SLC4A10: variants seen among roughly 807,000 people sequenced by gnomAD.
The protein encoded by SLC4A10 is sodium-driven chloride bicarbonate exchanger.
In SLC4A10, 42 loss-of-function variants were observed where a neutral mutation model predicts 137.7. The ratio of observed to expected loss-of-function variants is 0.30; its 90% CI spans 0.24 to 0.39. SLC4A10 has a LOEUF of 0.39. Ranked by LOEUF, SLC4A10 falls within the 10% of genes least tolerant of loss-of-function variation. The pLI, the probability that SLC4A10 is intolerant of heterozygous loss-of-function variation, is 1.00. For missense variants in SLC4A10, 925 were observed against 1,355.0 expected (o/e 0.68, Z 4.98); for synonymous variants, 474 against 464.1 (o/e 1.02, Z -0.27).
At chr2:161,726,703 G>T (rs968708608) in intron 1 of SLC4A10, among the ~76,000 whole-genome samples, 4 of 152,180 alleles carry the variant, frequency 2.6e-5, no homozygotes, top group African/African-American at 9.7e-5. Context: ...GCAGTCAGGA[G>T]TTGGAGACCA....
chr2:161,667,774 C>A (rs2039232571), intron 1 of SLC4A10, among the ~76,000 whole-genome samples: 1 of 151,606 alleles, frequency 6.6e-6, no homozygotes, highest in Non-Finnish European at 1.5e-5. Context: ...TTTTCAGGTC[C>A]TATGACATAC....
chr2:161,695,158 T>C (rs1378175091), intron 1 of SLC4A10, among the ~76,000 whole-genome samples: 4 of 152,080 alleles, frequency 2.6e-5, no homozygotes, highest in Non-Finnish European at 5.9e-5. Flanking sequence ...TAAGAATCTC[T>C]AGAGCCAATT....
At chr2:161,838,449 A>G (rs2058958275) in intron 3 of SLC4A10, among the ~76,000 whole-genome samples, 1 of 152,186 alleles carries the variant, frequency 6.6e-6, no homozygotes, top group South Asian at 2.1e-4. Flanking sequence ...ACCAAAGCAT[A>G]ATTTATAACA....
intron 26 of SLC4A10, among the ~76,000 whole-genome samples, chr2:161,981,678 GTCATACAGAT>G (rs1178665009): frequency 6.6e-6 from 1 of 152,232 alleles, no homozygotes; most frequent in Non-Finnish European, 1.5e-5. Context: ...AAGAAAGTGA[GTCATACAGAT>G]AGAGGAGTTA....
rs1300996252 is a variant in SLC4A10 at position 161,947,458 on chromosome 2, G to A, written c.2104-108G>A. Reference sequence around the variant, plus strand: ...CTAAATCATTGTGAGAGCCATAAAGGAAAAGCCTCAGCATCTGAACTACAA... The same window carrying A: ...CTAAATCATTGTGAGAGCCATAAAGAAAAAGCCTCAGCATCTGAACTACAA... On this transcript the variant is annotated intron_variant, in intron 16 of 26. Coordinates refer to ENST00000446997, the MANE Select transcript of SLC4A10 (RefSeq NM_001178015.2). The A allele has an allele frequency of 1.1e-4, 128 of 1,145,802 alleles. No homozygotes were observed. The East Asian group carries it at 3.5e-3, about 31-fold the overall frequency. 71.0% of individuals were successfully genotyped at this position (1,145,802 alleles called of 1,614,324 possible). A position where few individuals can be genotyped will look rare whatever the true frequency, so the allele number is the denominator to read the frequency against.
At chr2:161,861,712 C>T (rs571634030) in intron 5 of SLC4A10, among the ~76,000 whole-genome samples, 1 of 152,278 alleles carries the variant, frequency 6.6e-6, no homozygotes, top group South Asian at 2.1e-4. Flanking sequence ...ATATTCCAAT[C>T]AGTGCATCAG....
intron 2 of SLC4A10, among the ~76,000 whole-genome samples, chr2:161,779,830 A>G (rs574500162): frequency 7.0e-4 from 106 of 152,158 alleles, no homozygotes; most frequent in African/African-American, 2.3e-3. Context: ...GGATCAAAAT[A>G]ATATTTATGA....
intron 3 of SLC4A10, among the ~76,000 whole-genome samples, chr2:161,826,290 A>G (rs2058016323): frequency 6.6e-6 from 1 of 152,214 alleles, no homozygotes; most frequent in Non-Finnish European, 1.5e-5. Flanking sequence ...AAAGAGGAAG[A>G]AAAGTGTCTG....
intron 1 of SLC4A10, among the ~76,000 whole-genome samples, chr2:161,664,700 G>A (rs4664433): frequency 0.88 from 131,444 of 150,140 alleles, 57,885 homozygotes; most frequent in East Asian, 1. Context: ...GTTTAGTGGG[G>A]ATTTTTTCTC....
At chr2:161,811,949 T>G (rs1458512852) in intron 3 of SLC4A10, among the ~76,000 whole-genome samples, 1 of 152,070 alleles carries the variant, frequency 6.6e-6, no homozygotes, top group Non-Finnish European at 1.5e-5. Flanking sequence ...TCCAACCTCC[T>G]GCAAACCCAC....
chr2:161,708,818 C>G (rs2043967446), intron 1 of SLC4A10: 4 of 1,532,384 alleles, frequency 2.6e-6, no homozygotes, highest in East Asian at 4.9e-5. Context: ...TTTTCAATCT[C>G]TAAGTCATCA....
intron 1 of SLC4A10, among the ~76,000 whole-genome samples, chr2:161,658,596 C>CTTTT (rs35686377): frequency 2.3e-4 from 29 of 128,376 alleles, no homozygotes; most frequent in South Asian, 1.2e-3. Context: ...AAATAGTTTC[C>CTTTT]TTTTTTTTTT....
chr2:161,655,597 C>G (rs1240501517), intron 1 of SLC4A10, among the ~76,000 whole-genome samples: 1 of 152,108 alleles, frequency 6.6e-6, no homozygotes, highest in Admixed American at 6.6e-5. Flanking sequence ...TGAATTCTAT[C>G]AAATAGTTAA....
At chr2:161,813,119 C>T (rs1187003329) in intron 3 of SLC4A10, among the ~76,000 whole-genome samples, 1 of 151,998 alleles carries the variant, frequency 6.6e-6, no homozygotes, top group Non-Finnish European at 1.5e-5. Context: ...CTAAAGTAGA[C>T]AATTTTCAGA....
intron 3 of SLC4A10, among the ~76,000 whole-genome samples, chr2:161,806,985 G>A (rs780273036): frequency 3.3e-5 from 5 of 152,158 alleles, no homozygotes; most frequent in Non-Finnish European, 4.4e-5. Context: ...TGGACTTACA[G>A]TTCCACATGA....
In SLC4A10 at chr2:161,624,629, G is replaced by A. The variant is rs1573941596; in HGVS notation, c.48+63G>A. 3.2e-6 allele frequency: 5 copies of A among 1,549,480 alleles called. No homozygotes were observed. The South Asian group carries it at 6.0e-5, about 18-fold the overall frequency. On this transcript the variant is annotated intron_variant, in intron 1 of 26. Coordinates refer to ENST00000446997, the MANE Select transcript of SLC4A10 (RefSeq NM_001178015.2). ...TTGCTGCAAAACCTGTTAGGCAAGC[G>A]GTCTGCTAGCTAGGTGCAGCGAGTG...
At chr2:161,736,547 C>G (rs765339709) in intron 1 of SLC4A10, among the ~76,000 whole-genome samples, 4 of 152,078 alleles carry the variant, frequency 2.6e-5, no homozygotes, top group Non-Finnish European at 5.9e-5. Context: ...TCCTTCTTCA[C>G]AAGGTAGCAG....
At chr2:161,638,143 A>G (rs2034727372) in intron 1 of SLC4A10, among the ~76,000 whole-genome samples, 1 of 151,904 alleles carries the variant, frequency 6.6e-6, no homozygotes, top group Non-Finnish European at 1.5e-5. Flanking sequence ...ATGTAATCCC[A>G]TTTGTCTGTT....
intron 1 of SLC4A10, among the ~76,000 whole-genome samples, chr2:161,640,593 T>TTTCC (rs1245696506): frequency 0.013 from 1,504 of 119,244 alleles, 26 homozygotes; most frequent in Non-Finnish European, 0.015. Flanking sequence ...TTTCTCTTTC[T>TTTCC]TTCCTTCCTT....
Sources: gnomAD v4.1 joint callset for allele counts (sites outside exome capture counted in the v4.1 genomes callset) on GRCh38, gnomAD v4.1.1 for gene constraint, MANE v1.5 for transcripts, NCBI Gene and HGNC (gene_info 2026-07-23, HGNC 2026-07-21) for gene names.